The following STK32B variants were observed in gnomAD, a reference collection of about 807,000 sequenced individuals.
The protein encoded by STK32B is serine/threonine kinase 32B.
Under a neutral mutation model 52.6 loss-of-function variants are expected in STK32B, and 43 were observed. The ratio of observed to expected loss-of-function variants is 0.82; its 90% CI spans 0.64 to 1.05. The LOEUF (loss-of-function observed/expected upper bound fraction) is 1.05, where lower values mean the gene tolerates loss of function less well. STK32B is among the 50% of genes least tolerant of loss of function. The pLI is 0.00. For synonymous variants in STK32B, 238 were observed against 204.3 expected, an observed-to-expected ratio of 1.17 and a Z score of -1.41; for missense variants, 621 against 534.6, an observed-to-expected ratio of 1.16 and a Z score of -1.59.
In STK32B at chr4:5,142,919, G is replaced by C. The variant is rs544727052; in HGVS notation, c.108+2959G>C. Among the ~76,000 whole-genome samples, 18 of 152,284 alleles carry C rather than the reference G, an allele frequency of 1.2e-4. No homozygotes were observed. The South Asian group carries it at 1.9e-3, about 16-fold the overall frequency. On this transcript the variant is annotated intron_variant, in intron 2 of 11. Coordinates refer to ENST00000282908, the MANE Select transcript of STK32B (RefSeq NM_018401.3). ...CATTTGAAGACTTTAGGAGAAAAAG[G>C]CTGACTTCCCTGATGAAGGAGGAAT...
intron 1 of STK32B, among the ~76,000 whole-genome samples, chr4:5,132,858 G>A (rs904438704): frequency 1.6e-4 from 24 of 151,330 alleles, no homozygotes; most frequent in East Asian, 1.6e-3. Flanking sequence ...GAGTGCAGTC[G>A]TGTGATCTTG....
chr4:5,140,920 C>A (rs116898587), intron 2 of STK32B, among the ~76,000 whole-genome samples: 2 of 151,782 alleles, frequency 1.3e-5, no homozygotes, highest in East Asian at 1.9e-4. Context: ...GAGAGAGATG[C>A]GAAACAGATA....
At chr4:5,317,032 T>C (rs1730983812) in intron 3 of STK32B, among the ~76,000 whole-genome samples, 1 of 39,402 alleles carries the variant, frequency 2.5e-5, no homozygotes, top group Non-Finnish European at 3.6e-5. Context: ...ATATATATGA[T>C]ATAATATATT....
chr4:5,391,865 A>G (rs1237471264), intron 4 of STK32B, among the ~76,000 whole-genome samples: 3 of 152,208 alleles, frequency 2.0e-5, no homozygotes, highest in Non-Finnish European at 2.9e-5. Context: ...CTTGGCGGTT[A>G]TCATTAATGA....
In STK32B at chr4:5,416,890, G is replaced by A; in HGVS notation, c.518G>A (p.Gly173Glu). Residue 173 changes from glycine to glutamate, a missense_variant, in exon 6 of 12, where the codon GGA becomes GAA. Physicochemically the swap from Gly to Glu is moderately conservative, Grantham distance 98 (BLOSUM62 -2). Coordinates refer to ENST00000282908, the MANE Select transcript of STK32B (RefSeq NM_018401.3). Reference protein sequence around the residue: ...TDFNIATVVKGAERASSMAGT... With the variant: ...TDFNIATVVKEAERASSMAGT... ...TTCAACATAGCGACGGTAGTGAAAG[G>A]AGCAGAAAGGGCTTCCTCCATGGCT... is the stretch of plus-strand genomic sequence containing the variant. 1.2e-6 allele frequency: 2 copies of A among 1,613,930 alleles called. No homozygotes were observed. The highest frequency in any genetic ancestry group is 1.7e-6 in the Non-Finnish European group (2 of 1,179,926).
intron 3 of STK32B, among the ~76,000 whole-genome samples, chr4:5,312,094 C>A (rs1407902124): frequency 1.3e-5 from 2 of 151,500 alleles, no homozygotes; most frequent in Non-Finnish European, 2.9e-5. Flanking sequence ...ATATATAGTA[C>A]AATCATCCAT....
In STK32B at chr4:5,447,237, C is replaced by T. The variant is rs117236973; in HGVS notation, c.666+461C>T. ...ATAAAAATGGGACATTCAATCAATACGTATTTGTATTTTATTGCATTTAAA... is the reference window on the plus strand; with the variant it reads ...ATAAAAATGGGACATTCAATCAATATGTATTTGTATTTTATTGCATTTAAA... On this transcript the variant is annotated intron_variant, in intron 7 of 11. Coordinates refer to ENST00000282908, the MANE Select transcript of STK32B (RefSeq NM_018401.3). 4.9e-3 allele frequency: 757 copies of T among 155,378 alleles called. 19 individuals carry two copies. In the East Asian group the frequency reaches 0.069, roughly 14 times the overall value. The allele number at this position is 155,378 out of a possible 1,614,324, so 9.6% of individuals were successfully genotyped here. A position where few individuals can be genotyped will look rare whatever the true frequency, so the allele number is the denominator to read the frequency against.
At chr4:5,153,950 C>G (rs1012460544) in intron 2 of STK32B, among the ~76,000 whole-genome samples, 4 of 152,014 alleles carry the variant, frequency 2.6e-5, no homozygotes, top group Non-Finnish European at 4.4e-5. Flanking sequence ...GTTCTGTAAT[C>G]AAAGTCACAG....
intron 3 of STK32B, among the ~76,000 whole-genome samples, chr4:5,317,935 A>G (rs1024136907): frequency 2.0e-5 from 3 of 152,150 alleles, no homozygotes; most frequent in Admixed American, 6.5e-5. Context: ...AGAATTGCCA[A>G]ATTTCAGGTT....
intron 3 of STK32B, among the ~76,000 whole-genome samples, chr4:5,293,107 CA>C (rs1306128498): frequency 2.6e-5 from 4 of 152,038 alleles, no homozygotes; most frequent in Non-Finnish European, 4.4e-5. Context: ...CGTGTCCCTG[CA>C]AAAGACATTA....
rs140739899 is a variant in STK32B at position 5,469,277 on chromosome 4, G to A, written c.1106+1207G>A. 2.0e-5 allele frequency among the ~76,000 whole-genome samples: 3 copies of A among 152,226 alleles called. No individual in the cohort carries two copies. The highest frequency in any genetic ancestry group is 7.2e-5 in the African/African-American group (3 of 41,546). On this transcript the variant is annotated intron_variant, in intron 11 of 11. Transcript: ENST00000282908. The surrounding 1 kb of genome is among the most constrained non-coding windows in gnomAD (Gnocchi z 4.7). ...CTTATGCAATCCCCAGTATTCAACC[G>A]TTTTGGCTTTCAGCAGATGCTAACA...
At chr4:5,246,712 C>G (rs1725475946) in intron 3 of STK32B, among the ~76,000 whole-genome samples, 1 of 152,088 alleles carries the variant, frequency 6.6e-6, no homozygotes, top group Admixed American at 6.6e-5. Context: ...TTTTATCTAC[C>G]TTTGGTCTTT....
chr4:5,297,134 G>A (rs192541602), intron 3 of STK32B, among the ~76,000 whole-genome samples: 229 of 152,266 alleles, frequency 1.5e-3, no homozygotes, highest in African/African-American at 4.9e-3. Context: ...TAGGGTTTCC[G>A]CAGAGATATC....
intron 1 of STK32B, among the ~76,000 whole-genome samples, chr4:5,102,042 G>A (rs866057420): frequency 6.6e-6 from 1 of 152,190 alleles, no homozygotes; most frequent in Non-Finnish European, 1.5e-5. Flanking sequence ...AATAAAGTGT[G>A]TGGTCATGCT....
intron 3 of STK32B, among the ~76,000 whole-genome samples, chr4:5,295,998 T>C (rs1033313246): frequency 1.2e-4 from 18 of 152,244 alleles, no homozygotes; most frequent in Non-Finnish European, 2.2e-4. Flanking sequence ...AAGTTATTTA[T>C]TTCTGCCTTA....
At chr4:5,268,296 A>G (rs1727180739) in intron 3 of STK32B, among the ~76,000 whole-genome samples, 1 of 152,144 alleles carries the variant, frequency 6.6e-6, no homozygotes, top group African/African-American at 2.4e-5. Flanking sequence ...CTCTGGCCTC[A>G]TTATATACTG....
chr4:5,329,716 C>A (rs1259342537), intron 3 of STK32B, among the ~76,000 whole-genome samples: 1 of 152,208 alleles, frequency 6.6e-6, no homozygotes, highest in Admixed American at 6.5e-5. Flanking sequence ...TTCCATAAGC[C>A]TCTGGTAAAT....
At chr4:5,148,211 C>T (rs752707975) in intron 2 of STK32B, among the ~76,000 whole-genome samples, 3 of 151,588 alleles carry the variant, frequency 2.0e-5, no homozygotes, top group Non-Finnish European at 4.4e-5. Flanking sequence ...ATCATAGGAT[C>T]TTCTTAATTT....
intron 5 of STK32B, among the ~76,000 whole-genome samples, chr4:5,401,412 T>G (rs1737285813): frequency 6.6e-6 from 1 of 152,182 alleles, no homozygotes; most frequent in Non-Finnish European, 1.5e-5. Context: ...ATAAACATAA[T>G]TAAACAAATG....
Sources: gnomAD v4.1 joint callset for allele counts (sites outside exome capture counted in the v4.1 genomes callset) on GRCh38, gnomAD v4.1.1 for gene constraint, Gnocchi (gnomAD v3.1) non-coding constraint, MANE v1.5 for transcripts, NCBI Gene and HGNC (gene_info 2026-07-23, HGNC 2026-07-21) for gene names.